Variants in NLK observed in about 807,000 individuals in gnomAD.
NLK encodes serine/threonine-protein kinase NLK.
NLK carries 11 observed loss-of-function variants against 59.0 expected under a neutral mutation model. That is an observed-to-expected ratio of 0.19 (90% CI 0.12 to 0.31). The LOEUF is 0.31. NLK is among the 10% of genes least tolerant of loss of function. NLK has a pLI of 1.00. For missense variants in NLK, 410 were observed against 661.1 expected (o/e 0.62, Z 4.16); for synonymous variants, 235 against 235.9 (o/e 1.00, Z 0.03).
chr17:28,054,608 T>C (rs1362720107), intron 1 of NLK, among the ~76,000 whole-genome samples: 1 of 152,242 alleles, frequency 6.6e-6, no homozygotes, highest in Non-Finnish European at 1.5e-5. Context: ...ATACTCCTTA[T>C]AGCTTTGAAA....
chr17:28,097,675 T>C (rs1485512367), intron 1 of NLK, among the ~76,000 whole-genome samples: 2 of 152,162 alleles, frequency 1.3e-5, no homozygotes, highest in South Asian at 2.1e-4. Context: ...ATAGTTGTTA[T>C]AGTAGTATAA....
intron 4 of NLK, among the ~76,000 whole-genome samples, chr17:28,162,528 T>C (rs1366503747): frequency 6.6e-6 from 1 of 151,984 alleles, no homozygotes; most frequent in Non-Finnish European, 1.5e-5. Context: ...TCTCAGCTAC[T>C]TGGGAGGCTG....
In NLK at chr17:28,086,693, A is replaced by G. The variant is rs1206872612; in HGVS notation, c.459-35910A>G. Among the ~76,000 whole-genome samples the G allele has an allele frequency of 5.3e-5, 8 of 152,058 alleles. No individual in the cohort carries two copies. In the South Asian group the frequency reaches 8.3e-4, roughly 16 times the overall value. On this transcript the variant is annotated intron_variant, in intron 1 of 10. Coordinates refer to ENST00000407008, the MANE Select transcript of NLK (RefSeq NM_016231.5). The stretch of plus-strand genomic sequence containing the variant: ...CTTCACTTTAATATCTAACTCCAGC[A>G]TAAGTCAGTATAAGTGACTCTGTGA...
intron 9 of NLK, 62 bp downstream of exon 9, chr17:28,191,281 C>A: frequency 7.7e-7 from 1 of 1,306,974 alleles, no homozygotes; most frequent in South Asian, 1.5e-5. Context: ...CATTAGGTGG[C>A]CATGAAGAGC....
intron 3 of NLK, among the ~76,000 whole-genome samples, chr17:28,136,814 G>A (rs916470610): frequency 6.6e-6 from 1 of 151,952 alleles, no homozygotes; most frequent in African/African-American, 2.4e-5. Flanking sequence ...TGTTGACCAC[G>A]CTGGTCTTGA....
At chr17:28,160,565 AG>A (rs1907965897) in intron 3 of NLK, among the ~76,000 whole-genome samples, 1 of 152,202 alleles carries the variant, frequency 6.6e-6, no homozygotes, top group African/African-American at 2.4e-5. Flanking sequence ...TACAACGTAT[AG>A]GAAGCTCGCT....
chr17:28,099,768 C>T (rs554637160), intron 1 of NLK, among the ~76,000 whole-genome samples: 78 of 150,416 alleles, frequency 5.2e-4, no homozygotes, highest in African/African-American at 1.9e-3. Flanking sequence ...TTAGTAGAGA[C>T]GGGGTTTCAC....
chr17:28,132,445 A>G (rs1027780262), intron 2 of NLK, among the ~76,000 whole-genome samples, 175 bp from the exon 3 acceptor site: 1 of 152,214 alleles, frequency 6.6e-6, no homozygotes, highest in African/African-American at 2.4e-5. Context: ...TAGTAAGTGT[A>G]CGAATCCATC....
At position 28,066,427 on chromosome 17, in the gene NLK, T is replaced by C. The variant is rs376630233; in HGVS notation, c.458+23096T>C. Among the ~76,000 whole-genome samples the C allele has an allele frequency of 4.0e-4, 61 of 152,344 alleles. 1 individual carries two copies. The highest frequency in any genetic ancestry group is 1.4e-3 in the African/African-American group (58 of 41,574). Reference sequence around the variant, plus strand: ...TTAAGTACCAAATCCAGTGGGCACATTTCAGTCCTTACGATTTATGTTGCA... The same window carrying C: ...TTAAGTACCAAATCCAGTGGGCACACTTCAGTCCTTACGATTTATGTTGCA... On this transcript the variant is annotated intron_variant, in intron 1 of 10. Transcript: ENST00000407008.
intron 7 of NLK, among the ~76,000 whole-genome samples, chr17:28,172,894 A>T (rs1908520709): frequency 6.6e-6 from 1 of 152,170 alleles, no homozygotes; most frequent in Non-Finnish European, 1.5e-5. Context: ...TCTATGGGAA[A>T]AATTACTGGA....
intron 1 of NLK, among the ~76,000 whole-genome samples, chr17:28,114,675 G>A (rs1905681670): frequency 6.6e-6 from 1 of 152,108 alleles, no homozygotes; most frequent in East Asian, 1.9e-4. Flanking sequence ...AAAGCGATGT[G>A]ATTTTGCTTT....
intron 1 of NLK, chr17:28,062,190 G>C (rs993154343): frequency 3.3e-4 from 50 of 152,182 alleles, no homozygotes; most frequent in African/African-American, 1.2e-3. Context: ...GGAGCAGCCT[G>C]TTGGCATTTT....
intron 1 of NLK, among the ~76,000 whole-genome samples, chr17:28,084,789 C>G (rs1475720081): frequency 6.6e-6 from 1 of 152,194 alleles, no homozygotes; most frequent in Non-Finnish European, 1.5e-5. Flanking sequence ...GTCTTGAACT[C>G]CTAACCTCAT....
At position 28,163,044 on chromosome 17, in the gene NLK, G is replaced by A. The variant is rs143355353; in HGVS notation, c.752-499G>A. Among the ~76,000 whole-genome samples, 331 of 152,314 alleles carry A rather than the reference G, an allele frequency of 2.2e-3. 1 individual carries two copies. The highest frequency in any genetic ancestry group is 3.7e-3 in the Non-Finnish European group (253 of 68,024). ...AAGATTTCACAAATATTTTTAAAGT[G>A]GTTCATTACCCTCTTGATTCTGAGC... On this transcript the variant is annotated intron_variant, in intron 4 of 10. Coordinates refer to ENST00000407008, the MANE Select transcript of NLK (RefSeq NM_016231.5).
At chr17:28,100,153 T>G (rs1270005355) in intron 1 of NLK, among the ~76,000 whole-genome samples, 2 of 152,208 alleles carry the variant, frequency 1.3e-5, no homozygotes, top group South Asian at 2.1e-4. Flanking sequence ...TTTTACATTT[T>G]ACATTACATA....
At chr17:28,150,923 C>T (rs1374792087) in intron 3 of NLK, among the ~76,000 whole-genome samples, 1 of 152,102 alleles carries the variant, frequency 6.6e-6, no homozygotes, top group African/African-American at 2.4e-5. Flanking sequence ...TATCTTCATC[C>T]AATGGTAACT....
intron 8 of NLK, among the ~76,000 whole-genome samples, chr17:28,190,161 A>T (rs1909256815): frequency 6.6e-6 from 1 of 152,226 alleles, no homozygotes; most frequent in Non-Finnish European, 1.5e-5. Flanking sequence ...TCTACTGTGT[A>T]CTAGTGAGTT....
At chr17:28,187,223 T>C (rs1909150710) in intron 8 of NLK, among the ~76,000 whole-genome samples, 1 of 152,216 alleles carries the variant, frequency 6.6e-6, no homozygotes, top group Non-Finnish European at 1.5e-5. Flanking sequence ...GTAACTCACC[T>C]CTACCAGGTG....
chr17:28,072,555 C>T (rs376804617), intron 1 of NLK, among the ~76,000 whole-genome samples: 20 of 151,784 alleles, frequency 1.3e-4, no homozygotes, highest in African/African-American at 3.4e-4. Context: ...CTCAGACTGC[C>T]GAGATGAGTG....
Sources: allele counts gnomAD v4.1 joint callset (sites outside exome capture counted in the v4.1 genomes callset), GRCh38; gene constraint gnomAD v4.1.1; transcripts MANE v1.5; gene names NCBI Gene and HGNC (gene_info 2026-07-23, HGNC 2026-07-21).